The following CTNND1 variants were observed in gnomAD, a reference collection of about 807,000 sequenced individuals.
CTNND1 encodes catenin delta 1, also known as catenin delta-1.
In CTNND1, 16 loss-of-function variants were observed where a neutral mutation model predicts 112.1. The ratio of observed to expected loss-of-function variants is 0.14; its 90% CI spans 0.10 to 0.22. The LOEUF (loss-of-function observed/expected upper bound fraction) is 0.22, where lower values mean the gene tolerates loss of function less well. Ranked by LOEUF, CTNND1 falls within the 10% of genes least tolerant of loss-of-function variation. The pLI, the probability that CTNND1 is intolerant of heterozygous loss-of-function variation, is 1.00. For synonymous variants in CTNND1, 420 were observed against 446.5 expected, an observed-to-expected ratio of 0.94 and a Z score of 0.75; for missense variants, 1,008 against 1,257.0, an observed-to-expected ratio of 0.80 and a Z score of 3.00.
At chr11:57,804,814 A>G (rs765294247) in intron 9 of CTNND1, 34 bp downstream of exon 9, 2 of 1,475,326 alleles carry the variant, frequency 1.4e-6, no homozygotes, top group East Asian at 2.3e-5. Context: ...GGCTGAGTGA[A>G]TTTCATTCAC....
chr11:57,779,770 G>A (rs1227048303), intron 1 of CTNND1, among the ~76,000 whole-genome samples: 1 of 152,166 alleles, frequency 6.6e-6, no homozygotes, highest in Non-Finnish European at 1.5e-5. Flanking sequence ...CATGTAGCCA[G>A]CTTTCTAGAG....
At chr11:57,811,615 TCCAGGATCCTA>T (rs1165938464) in intron 17 of CTNND1, 129 bp downstream of exon 17, 4 of 652,550 alleles carry the variant, frequency 6.1e-6, no homozygotes, top group Non-Finnish European at 1.1e-5. Context: ...AATTTTCCAC[TCCAGGATCCTA>T]ACGCAGAAAT....
At chr11:57,781,458 C>G (rs1024671263) in intron 1 of CTNND1, 4 of 152,136 alleles carry the variant, frequency 2.6e-5, no homozygotes, top group African/African-American at 9.7e-5. Context: ...TCATAGTGTA[C>G]CTGATCTCTC....
Position 57,816,639 on chromosome 11 carries a change from A to G in CTNND1, c.*331A>G, listed in dbSNP as rs2064008509. 1 of 425,452 alleles carries G rather than the reference A, an allele frequency of 2.4e-6. No homozygotes were observed. The highest frequency in any genetic ancestry group is 3.7e-5 in the Admixed American group (1 of 27,148). The allele number at this position is 425,452 out of a possible 1,614,324, so 26.4% of individuals were successfully genotyped here. A position where few individuals can be genotyped will look rare whatever the true frequency, so the allele number is the denominator to read the frequency against. On this transcript the variant is annotated 3_prime_UTR_variant, in exon 21 of 21. Transcript: ENST00000399050. ...TCCTGGCCTTTTGTGGAGGGGAGGGATGGAGAGAATAGGAATCTTCACTAG... is the reference window on the plus strand; with the variant it reads ...TCCTGGCCTTTTGTGGAGGGGAGGGGTGGAGAGAATAGGAATCTTCACTAG...
At chr11:57,791,283 A>C in intron 2 of CTNND1, 102 bp from the exon 3 acceptor site, 1 of 1,035,358 alleles carries the variant, frequency 9.7e-7, no homozygotes, top group Non-Finnish European at 1.3e-6. Flanking sequence ...TCTGCACTGC[A>C]GTAAAACCAC....
chr11:57,791,691 C>G lies in CTNND1; in HGVS notation c.195+18C>G, dbSNP rs772278460. ...GGCATCAGGTAACCCCTCTCTCCAT[C>G]AGACGTGCAGGTAGGACTTTGGCAT... is the stretch of plus-strand genomic sequence containing the variant. On this transcript the variant is annotated intron_variant, in intron 3 of 20. Transcript: ENST00000399050. 21 of 1,517,604 alleles carry G rather than the reference C, an allele frequency of 1.4e-5. No homozygotes were observed. Among genetic ancestry groups the G allele is most frequent in the South Asian group, 1.1e-4 (9 of 78,868 alleles). The allele number at this position is 1,517,604 out of a possible 1,614,324, so 94.0% of individuals were successfully genotyped here.
At chr11:57,781,166 T>C (rs762614594) in intron 1 of CTNND1, among the ~76,000 whole-genome samples, 28 of 152,082 alleles carry the variant, frequency 1.8e-4, no homozygotes, top group Non-Finnish European at 3.5e-4. Context: ...CTCAAACTCC[T>C]GACCTGGTGA....
At chr11:57,787,518 G>T (rs544026414) in intron 1 of CTNND1, among the ~76,000 whole-genome samples, 2 of 152,336 alleles carry the variant, frequency 1.3e-5, no homozygotes, top group South Asian at 4.1e-4. Flanking sequence ...ACAACTCTGA[G>T]TTAGACCGGG....
intron 1 of CTNND1, among the ~76,000 whole-genome samples, chr11:57,775,348 A>AC (rs1555040565): frequency 5.7e-5 from 8 of 141,480 alleles, no homozygotes; most frequent in Non-Finnish European, 1.2e-4. Context: ...AAAAAAAAAC[A>AC]ACACACACAC....
intron 1 of CTNND1, among the ~76,000 whole-genome samples, 154 bp downstream of exon 1, chr11:57,762,273 A>T (rs541170463): frequency 6.6e-6 from 1 of 152,296 alleles, no homozygotes; most frequent in African/African-American, 2.4e-5. Flanking sequence ...CCTAGAAACA[A>T]ACTTCTAGGT....
chr11:57,773,335 G>T (rs768662453), intron 1 of CTNND1, among the ~76,000 whole-genome samples: 1 of 151,982 alleles, frequency 6.6e-6, no homozygotes, highest in Non-Finnish European at 1.5e-5. Flanking sequence ...GTCTCTATAT[G>T]TTGCCCAGGC....
intron 1 of CTNND1, among the ~76,000 whole-genome samples, chr11:57,763,510 A>G (rs941819684): frequency 1.3e-5 from 2 of 152,216 alleles, no homozygotes; most frequent in Non-Finnish European, 2.9e-5. Context: ...TTGTGGCTTC[A>G]GGAGGAAACA....
At chr11:57,790,099 G>A (rs1041119684) in intron 2 of CTNND1, among the ~76,000 whole-genome samples, 4 of 152,084 alleles carry the variant, frequency 2.6e-5, no homozygotes, top group African/African-American at 9.7e-5. Context: ...TTATATTTTT[G>A]GAGGCAGAGT....
intron 17 of CTNND1, among the ~76,000 whole-genome samples, chr11:57,813,194 C>T (rs2063573412): frequency 1.3e-5 from 2 of 152,010 alleles, no homozygotes; most frequent in Admixed American, 6.6e-5. Context: ...CATGGTGGCA[C>T]ATTCCTGTAG....
intron 13 of CTNND1, 38 bp downstream of exon 13, chr11:57,808,330 T>A: frequency 6.3e-7 from 1 of 1,599,692 alleles, no homozygotes. Flanking sequence ...TGGGAAAACT[T>A]AGATAACTAG....
chr11:57,774,774 C>T (rs906349339), intron 1 of CTNND1, among the ~76,000 whole-genome samples: 4 of 151,938 alleles, frequency 2.6e-5, no homozygotes, highest in Admixed American at 6.6e-5. Context: ...AGTGCAGTGG[C>T]GTGATCTTGG....
In CTNND1 at chr11:57,795,696, A is replaced by G. The variant is rs2061287214; in HGVS notation, c.387A>G (p.Ser129=). ...TGTCTGTAGTCTCTGTGGAGACCTC[A>G]GATGATGGGACCACTCGGCGCACAG... ...GAMSVVSVET[S]DDGTTRRTET... is the part of the protein sequence containing the mutation. The change falls in exon 5 of 21, where the codon TCA becomes TCG. Residue 129 remains serine, a synonymous_variant. Transcript: ENST00000399050. 1 of 1,607,848 alleles carries G rather than the reference A, an allele frequency of 6.2e-7. No individual in the cohort carries two copies. The highest frequency in any genetic ancestry group is 8.5e-7 in the Non-Finnish European group (1 of 1,177,610).
chr11:57,814,866 A>G (rs573512334), intron 18 of CTNND1, among the ~76,000 whole-genome samples: 2 of 151,444 alleles, frequency 1.3e-5, no homozygotes, highest in South Asian at 4.2e-4. Context: ...AGCATATTTC[A>G]CTCGCTCTTC....
intron 1 of CTNND1, among the ~76,000 whole-genome samples, chr11:57,781,164 C>T (rs929448895): frequency 6.6e-6 from 1 of 152,180 alleles, no homozygotes; most frequent in Non-Finnish European, 1.5e-5. Flanking sequence ...GTCTCAAACT[C>T]CTGACCTGGT....
Sources: gnomAD v4.1 joint callset for allele counts (sites outside exome capture counted in the v4.1 genomes callset) on GRCh38, gnomAD v4.1.1 for gene constraint, MANE v1.5 for transcripts, NCBI Gene and HGNC (gene_info 2026-07-23, HGNC 2026-07-21) for gene names.